UBR4: variants seen among roughly 807,000 people sequenced by gnomAD.
UBR4 encodes the protein ubiquitin protein ligase E3 component n-recognin 4.
Under a neutral mutation model 575.6 loss-of-function variants are expected in UBR4, and 124 were observed. The observed-to-expected ratio is 0.22, with a 90% CI of 0.19 to 0.25. The LOEUF (loss-of-function observed/expected upper bound fraction) is 0.25, where lower values mean the gene tolerates loss of function less well. UBR4 is among the 10% of genes least tolerant of loss of function. The pLI, the probability that UBR4 is intolerant of heterozygous loss-of-function variation, is 1.00. For synonymous variants in UBR4, 2,455 were observed against 2,473.7 expected, an observed-to-expected ratio of 0.99 and a Z score of 0.22; for missense variants, 4,818 against 6,478.8, an observed-to-expected ratio of 0.74 and a Z score of 8.80.
chr1:19,166,474 G>A (rs1310892181), intron 29 of UBR4, among the ~76,000 whole-genome samples: 1 of 144,672 alleles, frequency 6.9e-6, no homozygotes, highest in Non-Finnish European at 1.5e-5. Flanking sequence ...TTTTCTTAAT[G>A]TCTATTCCTA....
At position 19,129,037 on chromosome 1, in the gene UBR4, G is replaced by C; in HGVS notation, c.8944C>G (p.Leu2982Val). 6.2e-7 allele frequency: 1 copy of C among 1,614,092 alleles called. No homozygotes were observed. The highest frequency in any genetic ancestry group is 8.5e-7 in the Non-Finnish European group (1 of 1,180,006). ...MVRLMLLERL[L>V]QTLPQLRNVG... ...TTTCGTAATTGAGGCAGGGTCTGCA[G>C]TAATCTCTCCAACAGCATTAGACGG... is the stretch of plus-strand genomic sequence containing the variant. Residue 2982 changes from leucine to valine, a missense_variant, in exon 61 of 106, where the codon CTG becomes GTG. Around this residue, in one of 29 missense-constraint regions of UBR4, gnomAD observed 87 missense variants for 82.8 expected, o/e 1.05. Transcript: ENST00000375254.
At chr1:19,176,564 G>A in intron 20 of UBR4, 28 bp downstream of exon 20, 1 of 1,606,860 alleles carries the variant, frequency 6.2e-7, no homozygotes. Context: ...CAGTAAGTCA[G>A]TTTCTTATTA....
chr1:19,083,877 T>A (rs767754776), intron 102 of UBR4, among the ~76,000 whole-genome samples: 1 of 152,250 alleles, frequency 6.6e-6, no homozygotes, highest in Non-Finnish European at 1.5e-5. Flanking sequence ...ATAATGTGCA[T>A]ATGGATAAAA....
In UBR4 at chr1:19,086,675, C is replaced by T. The variant is rs2077049696; in HGVS notation, c.14687+4G>A. ...GGAGCCATTCCGCAAGAGCCAGGGC[C>T]TACCTGACGGCAGCCAGATGGCAGT... On this transcript the variant is annotated splice_donor_region_variant and intron_variant, in intron 100 of 105. Transcript: ENST00000375254. 6.2e-7 allele frequency: 1 copy of T among 1,613,834 alleles called. No individual in the cohort carries two copies. Among genetic ancestry groups the T allele is most frequent in the African/African-American group, 1.3e-5 (1 of 75,050 alleles).
chr1:19,115,233 TCTC>T (rs1557644836), intron 74 of UBR4, among the ~76,000 whole-genome samples, 162 bp downstream of exon 74: 3 of 114,822 alleles, frequency 2.6e-5, no homozygotes, highest in African/African-American at 5.6e-5. Flanking sequence ...TCACTCACTC[TCTC>T]TTCTTCCTCC....
At chr1:19,140,131 T>C (rs1480121391) in intron 58 of UBR4, among the ~76,000 whole-genome samples, 1 of 151,724 alleles carries the variant, frequency 6.6e-6, no homozygotes, top group East Asian at 1.9e-4. Flanking sequence ...GAAGCATCAG[T>C]CTAAAAAACT....
chr1:19,105,678 G>T, intron 84 of UBR4, 55 bp downstream of exon 84: 2 of 1,346,450 alleles, frequency 1.5e-6, no homozygotes, highest in African/African-American at 1.5e-5. Flanking sequence ...CGGGGAAGAT[G>T]AAAAGGCTCT....
rs758018054 is a variant in UBR4 at position 19,112,525 on chromosome 1, G to C, written c.11800C>G (p.Arg3934Gly). The C allele has an allele frequency of 6.2e-6, 10 of 1,607,660 alleles. No homozygotes were observed. In the South Asian group the frequency reaches 1.1e-4, roughly 18 times the overall value. Residue 3934 changes from arginine (R) to glycine (G), a missense_variant and splice_region_variant, in exon 78 of 106, where the codon CGA becomes GGA. Transcript: ENST00000375254. ...CATAACCATGGTGTAGGTACTGACCGAGTTAGGAGGCACATGAGCTGGCGG... is the reference window on the plus strand; with the variant it reads ...CATAACCATGGTGTAGGTACTGACCCAGTTAGGAGGCACATGAGCTGGCGG... ...EVRQLMCLLT[R>G]DNPEATQQMN...
intron 96 of UBR4, 49 bp from the exon 97 acceptor site, chr1:19,092,967 C>A: frequency 6.5e-7 from 1 of 1,542,952 alleles, no homozygotes; most frequent in Non-Finnish European, 8.9e-7. Flanking sequence ...GCAAAGGCTA[C>A]CTAGAAACCA....
chr1:19,197,838 C>G (rs757269304), intron 6 of UBR4, 27 bp from the exon 7 acceptor site: 6 of 1,613,482 alleles, frequency 3.7e-6, no homozygotes, highest in Non-Finnish European at 5.1e-6. Flanking sequence ...CACAACCTTA[C>G]AAACAGGCCT....
chr1:19,151,531 G>A (rs980135732), intron 48 of UBR4, 112 bp downstream of exon 48: 12 of 1,202,966 alleles, frequency 1.0e-5, no homozygotes, highest in African/African-American at 1.5e-5. Flanking sequence ...TGAAAGGACA[G>A]AAAAATCAGC....
intron 50 of UBR4, 48 bp downstream of exon 50, chr1:19,148,515 T>C (rs756042403): frequency 3.7e-6 from 6 of 1,612,092 alleles, no homozygotes; most frequent in African/African-American, 1.3e-5. Flanking sequence ...CTCCACTGAC[T>C]TCCTGCCTCT....
chr1:19,129,333 T>C (rs1174046489), intron 60 of UBR4, among the ~76,000 whole-genome samples: 1 of 152,228 alleles, frequency 6.6e-6, no homozygotes, highest in African/African-American at 2.4e-5. Flanking sequence ...AATTAAATCC[T>C]ACTACAGGGA....
intron 13 of UBR4, 133 bp from the exon 14 acceptor site, chr1:19,186,790 G>A (rs1307081806): frequency 1.3e-6 from 1 of 748,978 alleles, no homozygotes. Context: ...CTTAATTAAG[G>A]ACTTTCATCA....
chr1:19,165,861 G>T, intron 29 of UBR4, 104 bp from the exon 30 acceptor site: 1 of 974,250 alleles, frequency 1.0e-6, no homozygotes, highest in Non-Finnish European at 1.5e-6. Flanking sequence ...TGACCTTGAG[G>T]GCAATGTCTA....
At chr1:19,185,676 C>T (rs555394243) in intron 14 of UBR4, among the ~76,000 whole-genome samples, 1 of 150,928 alleles carries the variant, frequency 6.6e-6, no homozygotes, top group South Asian at 2.1e-4. Context: ...CAGGTTCAAG[C>T]GATTCTCCTG....
intron 103 of UBR4, chr1:19,080,340 C>T (rs1462507280): frequency 6.6e-6 from 1 of 152,234 alleles, no homozygotes; most frequent in Non-Finnish European, 1.5e-5. Context: ...CCAATCTGGT[C>T]TCTCTGGGAG....
chr1:19,120,048 A>G, intron 69 of UBR4, 132 bp downstream of exon 69: 1 of 1,134,338 alleles, frequency 8.8e-7, no homozygotes, highest in Non-Finnish European at 1.3e-6. Context: ...AGAAATCTCT[A>G]AAGCACAAGA....
chr1:19,182,618 T>C (rs2091101722), intron 17 of UBR4, among the ~76,000 whole-genome samples: 1 of 152,162 alleles, frequency 6.6e-6, no homozygotes, highest in Non-Finnish European at 1.5e-5. Context: ...TTTCTCCACA[T>C]CCTCACCAAC....
Sources: allele counts gnomAD v4.1 joint callset (sites outside exome capture counted in the v4.1 genomes callset), GRCh38; gene constraint gnomAD v4.1.1; regional missense constraint gnomAD v4.1.1; transcripts MANE v1.5; gene names NCBI Gene and HGNC (gene_info 2026-07-23, HGNC 2026-07-21).